Variants in SOX6 observed in about 807,000 individuals in gnomAD.
SOX6 encodes the protein SRY-box transcription factor 6.
A neutral mutation model predicts 97.8 loss-of-function variants in SOX6; 11 were observed. The observed-to-expected ratio is 0.11, with a 90% CI of 0.07 to 0.19. The LOEUF (loss-of-function observed/expected upper bound fraction) is 0.19, where lower values mean the gene tolerates loss of function less well. SOX6 is among the 10% of genes least tolerant of loss of function. The pLI, the probability that SOX6 is intolerant of heterozygous loss-of-function variation, is 1.00. For missense variants in SOX6, 810 were observed against 1,039.5 expected (o/e 0.78, Z 3.04); for synonymous variants, 360 against 371.4 (o/e 0.97, Z 0.35).
intron 7 of SOX6, among the ~76,000 whole-genome samples, chr11:16,103,114 C>T (rs568482786): frequency 4.6e-5 from 7 of 151,924 alleles, no homozygotes; most frequent in Admixed American, 2.6e-4. Flanking sequence ...AGAGAATCTT[C>T]GCAATCTATA....
chr11:16,295,224 A>G (rs559034825), intron 3 of SOX6, among the ~76,000 whole-genome samples: 1 of 152,106 alleles, frequency 6.6e-6, no homozygotes, highest in South Asian at 2.1e-4. Context: ...GTTCTACGAG[A>G]CTTATTTAAA....
In SOX6 at chr11:16,435,557, A is replaced by C. The variant is rs186799698; in HGVS notation, c.-5+40758T>G. ...CCAGAAGCTAGGAAGAGGCAAAAAA[A>C]AGATTCCCTACAGGTTTCAAAGGGA... On this transcript the variant is annotated intron_variant, in intron 1 of 15. Coordinates refer to the SOX6 transcript ENST00000396356. 4.6e-3 allele frequency among the ~76,000 whole-genome samples: 699 copies of C among 152,228 alleles called. 5 individuals are homozygous for C. The highest frequency in any genetic ancestry group is 0.016 in the African/African-American group (676 of 41,548).
At chr11:16,234,507 G>A (rs1198365245) in intron 4 of SOX6, 75 bp downstream of exon 4, 8 of 848,296 alleles carry the variant, frequency 9.4e-6, no homozygotes, top group Non-Finnish European at 1.6e-5. Context: ...CAGTACAGAA[G>A]ATCAGCAAAT....
At chr11:16,120,256 T>C (rs548554574) in intron 6 of SOX6, among the ~76,000 whole-genome samples, 6 of 149,398 alleles carry the variant, frequency 4.0e-5, no homozygotes, top group South Asian at 4.3e-4. Flanking sequence ...TCTCTCTCTC[T>C]CTCTGTCTCT....
upstream of SOX6, among the ~76,000 whole-genome samples, chr11:16,357,793 C>G (rs982244089): frequency 6.6e-6 from 1 of 152,158 alleles, no homozygotes; most frequent in Non-Finnish European, 1.5e-5. Flanking sequence ...ATTTCACCAA[C>G]GAAATCCCAT....
intron 3 of SOX6, among the ~76,000 whole-genome samples, chr11:16,290,007 A>C (rs1854864355): frequency 6.6e-6 from 1 of 152,040 alleles, no homozygotes; most frequent in Non-Finnish European, 1.5e-5. Context: ...AATAAAGCAA[A>C]AAATCTGAAA....
intron 4 of SOX6, among the ~76,000 whole-genome samples, chr11:16,516,490 G>A (rs1176460245): frequency 3.9e-5 from 6 of 152,162 alleles, no homozygotes; most frequent in South Asian, 4.2e-4. Flanking sequence ...AAATGATAAA[G>A]GGGATATCAC....
intron 3 of SOX6, among the ~76,000 whole-genome samples, chr11:16,239,767 C>T (rs752022338): frequency 5.9e-5 from 9 of 152,056 alleles, no homozygotes; most frequent in Admixed American, 3.9e-4. Context: ...AATGCACCAA[C>T]TGTTTTGGAT....
At chr11:16,183,052 C>CATAA (rs1325353580) in intron 6 of SOX6, among the ~76,000 whole-genome samples, 1 of 151,854 alleles carries the variant, frequency 6.6e-6, no homozygotes, top group African/African-American at 2.4e-5. Flanking sequence ...GTAGGATAGG[C>CATAA]ATAACTCTGT....
intron 15 of SOX6, among the ~76,000 whole-genome samples, chr11:15,976,702 G>A (rs1480964339): frequency 2.6e-5 from 4 of 152,008 alleles, no homozygotes; most frequent in Non-Finnish European, 5.9e-5. Flanking sequence ...ATCTGAGAAG[G>A]GAAAATGTTG....
chr11:16,652,640 G>T (rs1331993026), intron 3 of SOX6, among the ~76,000 whole-genome samples: 2 of 152,050 alleles, frequency 1.3e-5, no homozygotes, highest in African/African-American at 4.8e-5. Context: ...TTAAATCTAA[G>T]ACCTGAAACC....
intron 7 of SOX6, among the ~76,000 whole-genome samples, chr11:16,109,254 G>C (rs1004229533): frequency 6.6e-6 from 1 of 152,074 alleles, no homozygotes; most frequent in Non-Finnish European, 1.5e-5. Context: ...AGACTGGAGT[G>C]CAGTGGCAGA....
In SOX6 at chr11:16,234,563, G is replaced by T. The variant is rs201772960; in HGVS notation, c.535+19C>A. The T allele has an allele frequency of 2.2e-6, 3 of 1,390,322 alleles. No homozygotes were observed. The highest frequency in any genetic ancestry group is 1.4e-5 in the African/African-American group (1 of 70,862). The allele number at this position is 1,390,322 out of a possible 1,614,324, so 86.1% of individuals were successfully genotyped here. A position where few individuals can be genotyped will look rare whatever the true frequency, so the allele number is the denominator to read the frequency against. ...ATCACATCACTGCATTGACATGTTC[G>T]ATATATTTTATGTTGTACCTTTAAT... On this transcript the variant is annotated intron_variant, in intron 4 of 15. Coordinates refer to ENST00000683767, the MANE Select transcript of SOX6 (RefSeq NM_001367873.1).
At chr11:16,077,269 C>T (rs1011825241) in intron 9 of SOX6, among the ~76,000 whole-genome samples, 1 of 152,110 alleles carries the variant, frequency 6.6e-6, no homozygotes, top group Non-Finnish European at 1.5e-5. Context: ...CAAATCAAAA[C>T]CACAATAAGA....
chr11:16,674,393 C>T (rs1443024577), intron 3 of SOX6, among the ~76,000 whole-genome samples: 4 of 152,094 alleles, frequency 2.6e-5, no homozygotes, highest in Non-Finnish European at 5.9e-5. Context: ...ATGGTAGGAA[C>T]ATATCTCAAC....
At chr11:16,464,200 A>C (rs1438901016) in intron 1 of SOX6, among the ~76,000 whole-genome samples, 2 of 152,166 alleles carry the variant, frequency 1.3e-5, no homozygotes, top group African/African-American at 4.8e-5. Context: ...CCCAATAAAG[A>C]CTATAATTTC....
chr11:16,102,914 T>C (rs559263041), intron 7 of SOX6, among the ~76,000 whole-genome samples: 42 of 152,050 alleles, frequency 2.8e-4, no homozygotes, highest in African/African-American at 9.9e-4. Flanking sequence ...CCTGAAACCA[T>C]AAAGATTCTA....
chr11:16,676,748 C>T (rs1348859674), intron 3 of SOX6, among the ~76,000 whole-genome samples: 3 of 152,138 alleles, frequency 2.0e-5, no homozygotes, highest in Non-Finnish European at 4.4e-5. Context: ...CAACAAAAAC[C>T]TCCCAGTCTT....
intron 6 of SOX6, among the ~76,000 whole-genome samples, chr11:16,149,106 T>A (rs1850391822): frequency 6.6e-6 from 1 of 152,288 alleles, no homozygotes; most frequent in Non-Finnish European, 1.5e-5. Context: ...TGTCAATGTG[T>A]GCAAGTATAC....
Sources: gnomAD v4.1 joint callset for allele counts (sites outside exome capture counted in the v4.1 genomes callset) on GRCh38, gnomAD v4.1.1 for gene constraint, MANE v1.5 for transcripts, NCBI Gene and HGNC (gene_info 2026-07-23, HGNC 2026-07-21) for gene names.